Variants in GTF2H3 observed in about 807,000 individuals in gnomAD.
GTF2H3 encodes the protein TFIIH basal transcription factor complex p34 subunit.
In GTF2H3, 42 loss-of-function variants were observed where a neutral mutation model predicts 51.1. That is an observed-to-expected ratio of 0.82 (90% CI 0.64 to 1.06). The LOEUF (loss-of-function observed/expected upper bound fraction) is 1.06. GTF2H3 is among the 50% of genes least tolerant of loss of function. The probability of loss-of-function intolerance (pLI) is 0.00; values close to 1 mark genes in which losing one functional copy is unlikely to be tolerated. For missense variants in GTF2H3, 326 were observed against 366.1 expected (o/e 0.89, Z 0.89); for synonymous variants, 123 against 123.8 (o/e 0.99, Z 0.04).
intron 7 of GTF2H3, among the ~76,000 whole-genome samples, chr12:123,653,446 G>T (rs1002230323): frequency 1.2e-4 from 18 of 151,920 alleles, no homozygotes; most frequent in African/African-American, 4.4e-4. Flanking sequence ...TGGATCACGA[G>T]GTCAGGAGAT....
At chr12:123,657,209 T>C (rs1955597723) in intron 9 of GTF2H3, among the ~76,000 whole-genome samples, 1 of 152,166 alleles carries the variant, frequency 6.6e-6, no homozygotes, top group South Asian at 2.1e-4. Context: ...GCAATTACTT[T>C]TGCACCAACC....
chr12:123,649,874 T>C (rs1955498381), intron 4 of GTF2H3: 1 of 152,236 alleles, frequency 6.6e-6, no homozygotes, highest in African/African-American at 2.4e-5. Context: ...CAAAAGTACT[T>C]TTAGACCAGA....
intron 1 of GTF2H3, among the ~76,000 whole-genome samples, chr12:123,637,483 G>C (rs1211521126): frequency 6.6e-6 from 1 of 151,598 alleles, no homozygotes; most frequent in African/African-American, 2.4e-5. Flanking sequence ...CGTAGGAATT[G>C]CTTTTCCCTC....
intron 5 of GTF2H3, 195 bp downstream of exon 5, chr12:123,651,251 C>G: frequency 2.3e-6 from 1 of 428,792 alleles, no homozygotes. Context: ...CACTCTGTCG[C>G]CCAAGTTGGA....
chr12:123,655,598 C>T, intron 8 of GTF2H3, 173 bp from the exon 9 acceptor site: 2 of 529,224 alleles, frequency 3.8e-6, no homozygotes, highest in Non-Finnish European at 6.7e-6. Context: ...GTGACCACAG[C>T]CCAGCCATGT....
chr12:123,643,189 A>T (rs1225259731), intron 2 of GTF2H3, among the ~76,000 whole-genome samples: 1 of 152,136 alleles, frequency 6.6e-6, no homozygotes, highest in Non-Finnish European at 1.5e-5. Flanking sequence ...AACCATACTC[A>T]TTTTTCAATT....
rs928898427 is a variant in GTF2H3, at chr12:123,660,611, T to C, written c.*376T>C. 4.3e-5 allele frequency: 7 copies of C among 162,660 alleles called. No individual in the cohort carries two copies. The highest frequency in any genetic ancestry group is 6.6e-5 in the Non-Finnish European group (5 of 75,326). The allele number at this position is 162,660 out of a possible 1,614,324, so 10.1% of individuals were successfully genotyped here. On this transcript the variant is annotated 3_prime_UTR_variant, in exon 13 of 13. Transcript: ENST00000543341. ...GCCATACGAAATTTGAACGTAGCTT[T>C]GGAAAAAGGGACTATTTGTGGAGTA...
chr12:123,653,347 G>A lies in GTF2H3; in HGVS notation c.486+612G>A, dbSNP rs1196529457. Among the ~76,000 whole-genome samples the A allele has an allele frequency of 1.3e-5, 2 of 149,908 alleles. 1 individual carries two copies. Among genetic ancestry groups the A allele is most frequent in the African/African-American group, 4.9e-5 (2 of 40,850 alleles). On this transcript the variant is annotated intron_variant, in intron 7 of 12. Coordinates refer to ENST00000543341, the MANE Select transcript of GTF2H3 (RefSeq NM_001516.5). ...TATCAGGGAGGTTTTTTTTTTTCCT[G>A]GCAGGGTGGGGAGATTTAAAAAAGA...
intron 5 of GTF2H3, chr12:123,651,297 G>A (rs913366863): frequency 6.1e-6 from 2 of 329,084 alleles, no homozygotes; most frequent in Non-Finnish European, 1.1e-5. Context: ...TGCAACCTTC[G>A]CCTCCCAGAT....
intron 1 of GTF2H3, among the ~76,000 whole-genome samples, chr12:123,635,442 G>A (rs925536510): frequency 8.5e-5 from 13 of 152,050 alleles, no homozygotes; most frequent in Admixed American, 5.2e-4. Flanking sequence ...ACAAGGTGGC[G>A]CACACCTATA....
intron 9 of GTF2H3, among the ~76,000 whole-genome samples, chr12:123,658,201 C>T (rs1391145971): frequency 6.6e-6 from 1 of 152,024 alleles, no homozygotes; most frequent in Non-Finnish European, 1.5e-5. Flanking sequence ...GGACCACTGG[C>T]ATGCACTACA....
rs1215720715 is a variant in GTF2H3 at position 123,639,278 on chromosome 12, C to G, written c.28C>G (p.Leu10Val). Reference protein sequence around the residue: MVSDEDELNLLVIVVDANPI... With the variant: MVSDEDELNVLVIVVDANPI... ...AATATTTTCAGAAGATGAATTGAAT[C>G]TTCTGGTTATTGTAGTTGATGCCAA... Residue 10 changes from leucine to valine, a missense_variant, in exon 2 of 13, where the codon CTT becomes GTT. By Grantham distance (32) the Leu-to-Val change is conservative. Transcript: ENST00000543341. 6.5e-7 allele frequency: 1 copy of G among 1,536,664 alleles called. No individual in the cohort carries two copies. The highest frequency in any genetic ancestry group is 9.0e-7 in the Non-Finnish European group (1 of 1,110,198).
Position 123,638,059 on chromosome 12 carries a change from A to G in GTF2H3, c.14-1205A>G, listed in dbSNP as rs541936638. On this transcript the variant is annotated intron_variant, in intron 1 of 12. Coordinates refer to ENST00000543341, the MANE Select transcript of GTF2H3 (RefSeq NM_001516.5). Reference sequence around the variant, plus strand: ...GTCTCCCAGGCTGGAGTGCATTGGCAGGAACATGGCTCACTGTAGCCTCGA... The same window carrying G: ...GTCTCCCAGGCTGGAGTGCATTGGCGGGAACATGGCTCACTGTAGCCTCGA... Among the ~76,000 whole-genome samples, 16 of 151,804 alleles carry G rather than the reference A, an allele frequency of 1.1e-4. No homozygotes were observed. The South Asian group carries it at 2.5e-3, about 24-fold the overall frequency.
intron 2 of GTF2H3, among the ~76,000 whole-genome samples, chr12:123,639,787 A>G (rs1181522951): frequency 3.9e-5 from 6 of 152,238 alleles, no homozygotes; most frequent in Non-Finnish European, 7.3e-5. Context: ...AAGTTCTTTC[A>G]GTGGTGACAT....
chr12:123,648,106 T>C lies in GTF2H3; in HGVS notation c.344T>C (p.Ile115Thr), dbSNP rs1293254630. ...TSANEVIVEEIKDLMTKSDIK... is the reference protein window; with the variant it reads ...TSANEVIVEETKDLMTKSDIK... ...GCAAATGAAGTTATTGTTGAAGAGATTAAAGATCTAATGACCAAAAGTAAC... is the reference window on the plus strand; with the variant it reads ...GCAAATGAAGTTATTGTTGAAGAGACTAAAGATCTAATGACCAAAAGTAAC... The change falls in exon 4 of 13, where the codon ATT becomes ACT. Residue 115 changes from isoleucine to threonine, a missense_variant. By Grantham distance (89) the Ile-to-Thr change is moderately conservative (BLOSUM62 -1). Coordinates refer to ENST00000543341, the MANE Select transcript of GTF2H3 (RefSeq NM_001516.5). 2 of 1,605,582 alleles carry C rather than the reference T, an allele frequency of 1.2e-6. No homozygotes were observed. The highest frequency in any genetic ancestry group is 2.2e-5 in the South Asian group (2 of 89,504).
At chr12:123,637,824 C>T (rs569410487) in intron 1 of GTF2H3, among the ~76,000 whole-genome samples, 1 of 152,184 alleles carries the variant, frequency 6.6e-6, no homozygotes, top group South Asian at 2.1e-4. Flanking sequence ...CTCTTAATTA[C>T]GATTGGCCTT....
intron 5 of GTF2H3, among the ~76,000 whole-genome samples, chr12:123,651,688 C>T (rs1157477893): frequency 6.6e-6 from 1 of 151,890 alleles, no homozygotes; most frequent in Non-Finnish European, 1.5e-5. Flanking sequence ...GGCGTGGTGG[C>T]GGACACTTGT....
Position 123,660,655 on chromosome 12 carries a change from G to A in GTF2H3, c.*420G>A, listed in dbSNP as rs1331236786. 6.5e-6 allele frequency: 1 copy of A among 154,436 alleles called. No homozygotes were observed. Among genetic ancestry groups the A allele is most frequent in the Non-Finnish European group, 1.4e-5 (1 of 69,680 alleles). The allele number at this position is 154,436 out of a possible 1,614,324, so 9.6% of individuals were successfully genotyped here. On this transcript the variant is annotated 3_prime_UTR_variant, in exon 13 of 13. Transcript: ENST00000543341. ...TGGAGTAATGGCATTAATCAACATA[G>A]AACATCTTATTTGAATCAACAGTTA... is the stretch of plus-strand genomic sequence containing the variant.
At chr12:123,641,567 A>C (rs1955375115) in intron 2 of GTF2H3, among the ~76,000 whole-genome samples, 1 of 135,584 alleles carries the variant, frequency 7.4e-6, no homozygotes, top group Admixed American at 7.5e-5. Context: ...ACAGAGTCTC[A>C]CTCTGTCACC....
Sources: gnomAD v4.1 joint callset for allele counts (sites outside exome capture counted in the v4.1 genomes callset) on GRCh38, gnomAD v4.1.1 for gene constraint, MANE v1.5 for transcripts, NCBI Gene and HGNC (gene_info 2026-07-23, HGNC 2026-07-21) for gene names.